The following ZNF800 variants were observed in gnomAD, a reference collection of about 807,000 sequenced individuals.
ZNF800 encodes the protein zinc finger protein 800.
ZNF800 carries 13 observed loss-of-function variants against 59.5 expected under a neutral mutation model. The ratio of observed to expected loss-of-function variants is 0.22; its 90% CI spans 0.14 to 0.35. ZNF800 has a LOEUF of 0.35. Ranked by LOEUF, ZNF800 falls within the 10% of genes least tolerant of loss-of-function variation. ZNF800 has a pLI of 1.00. For synonymous variants in ZNF800, 266 were observed against 265.7 expected (o/e 1.00, Z -0.01); for missense variants, 621 against 783.7 (o/e 0.79, Z 2.48).
At chr7:127,387,376 C>A (rs965766625) in intron 2 of ZNF800, among the ~76,000 whole-genome samples, 1 of 152,208 alleles carries the variant, frequency 6.6e-6, no homozygotes, top group African/African-American at 2.4e-5. Flanking sequence ...GTGTGCTACT[C>A]TTGCTTCAGG....
intron 3 of ZNF800, among the ~76,000 whole-genome samples, chr7:127,378,282 A>G (rs1328008857): frequency 6.6e-6 from 1 of 152,162 alleles, no homozygotes; most frequent in Non-Finnish European, 1.5e-5. Flanking sequence ...TTAAAAATAA[A>G]AACAGCCACC....
At chr7:127,380,692 A>G (rs1800951827) in intron 3 of ZNF800, among the ~76,000 whole-genome samples, 1 of 152,234 alleles carries the variant, frequency 6.6e-6, no homozygotes, top group South Asian at 2.1e-4. Flanking sequence ...ATGGTCATCC[A>G]GACAGCAACA....
At chr7:127,353,846 CAA>C (rs3993579) in intron 1 of ZNF800, among the ~76,000 whole-genome samples, 116,869 of 150,122 alleles carry the variant, frequency 0.78, 45,554 homozygotes, top group East Asian at 0.94. Context: ...ATAAGCTGGC[CAA>C]AAAAAAAAAC....
chr7:127,357,499 T>C (rs1402212477), intron 1 of ZNF800, among the ~76,000 whole-genome samples: 1 of 152,066 alleles, frequency 6.6e-6, no homozygotes, highest in African/African-American at 2.4e-5. Context: ...TTCTCCTAGT[T>C]TCCTTGACTA....
intron 4 of ZNF800, among the ~76,000 whole-genome samples, chr7:127,376,101 G>A (rs10249166): frequency 6.6e-6 from 1 of 151,338 alleles, no homozygotes; most frequent in Non-Finnish European, 1.5e-5. Flanking sequence ...TGAATCTCTA[G>A]ACTGCTTTTT....
At chr7:127,379,833 G>GCCACCCC (rs1800904358) in intron 3 of ZNF800, among the ~76,000 whole-genome samples, 2 of 12,716 alleles carry the variant, frequency 1.6e-4, no homozygotes, top group African/African-American at 3.3e-4. Flanking sequence ...CCTTACCCTT[G>GCCACCCC]CCACCCCCCC....
In ZNF800 at chr7:127,382,337, C is replaced by T. The variant is rs571399601; in HGVS notation, c.157+3723G>A. Among the ~76,000 whole-genome samples, 21 of 152,230 alleles carry T rather than the reference C, an allele frequency of 1.4e-4. 1 individual carries two copies. In the South Asian group the frequency reaches 4.4e-3, roughly 32 times the overall value. On this transcript the variant is annotated intron_variant, in intron 3 of 5. Transcript: ENST00000265827. ...GAAAGAATATTGAACTCAACTAAAC[C>T]AATTTAATAAACACATAAAAGATAT...
rs1800717179 is a variant in ZNF800 at position 127,374,180 on chromosome 7, G to A, written c.1156C>T (p.Leu386Phe). Residue 386 changes from leucine (L) to phenylalanine (F), a missense_variant, in exon 5 of 6, where the codon CTT (leucine) becomes TTT (phenylalanine). Coordinates refer to ENST00000265827, the MANE Select transcript of ZNF800 (RefSeq NM_176814.5). ...RHMQIVHKIT[L>F]SGTNSKREKG... ...TCTCTTTTAGAGTTTGTTCCAGAAA[G>A]AGTTATCTTGTGGACAATTTGCATA... is the stretch of plus-strand genomic sequence containing the variant. 1 of 1,613,992 alleles carries A rather than the reference G, an allele frequency of 6.2e-7. No homozygotes were observed. Among genetic ancestry groups the A allele is most frequent in the Non-Finnish European group, 8.5e-7 (1 of 1,179,984 alleles).
intron 1 of ZNF800, chr7:127,349,725 C>A (rs1348367567): frequency 6.6e-6 from 1 of 152,148 alleles, no homozygotes; most frequent in African/African-American, 2.4e-5. Context: ...TTGTGTTAAC[C>A]ACCTGCTCCT....
chr7:127,364,451 T>C (rs911123207), intron 1 of ZNF800: 16 of 152,072 alleles, frequency 1.1e-4, no homozygotes, highest in African/African-American at 3.4e-4. Context: ...CAGTCTGATA[T>C]AGAAGGAAAA....
intron 3 of ZNF800, among the ~76,000 whole-genome samples, chr7:127,385,205 C>A (rs1419412): frequency 0.93 from 142,044 of 152,106 alleles, 66,390 homozygotes; most frequent in East Asian, 1. Context: ...ATTTTTCATT[C>A]AGTTAGTTAA....
At chr7:127,384,596 C>T (rs1445236551) in intron 3 of ZNF800, among the ~76,000 whole-genome samples, 1 of 149,124 alleles carries the variant, frequency 6.7e-6, no homozygotes, top group Non-Finnish European at 1.5e-5. Context: ...TTCATTAATT[C>T]CAAATTAAGA....
rs1476006645 is a variant in ZNF800 at position 127,371,255 on chromosome 7, A to C, written c.*559T>G. On this transcript the variant is annotated 3_prime_UTR_variant, in exon 6 of 6. Transcript: ENST00000265827. ...ACACTGAAGTGCTGGAGAACAAGCT[A>C]GAAATAAATGGATGTAAAAATAATT... 2 of 152,660 alleles carry C rather than the reference A, an allele frequency of 1.3e-5. No individual in the cohort carries two copies. The highest frequency in any genetic ancestry group is 3.8e-4 in the East Asian group (2 of 5,204). 9.5% of individuals were successfully genotyped at this position (152,660 alleles called of 1,614,324 possible). A position where few individuals can be genotyped will look rare whatever the true frequency, so the allele number is the denominator to read the frequency against.
Position 127,371,648 on chromosome 7 carries a change from G to A in ZNF800, c.*166C>T. Reference sequence around the variant, plus strand: ...GCAGTGCCTTAGAAACAAGTGGTTAGATGGTTATTTTAGTCAGAAAACAGC... The same window carrying A: ...GCAGTGCCTTAGAAACAAGTGGTTAAATGGTTATTTTAGTCAGAAAACAGC... On this transcript the variant is annotated 3_prime_UTR_variant, in exon 6 of 6. Transcript: ENST00000265827. 1 of 515,456 alleles carries A rather than the reference G, an allele frequency of 1.9e-6. No homozygotes were observed. The highest frequency in any genetic ancestry group is 2.9e-5 in the South Asian group (1 of 34,084). The allele number at this position is 515,456 out of a possible 1,614,324, so 31.9% of individuals were successfully genotyped here.
intron 2 of ZNF800, among the ~76,000 whole-genome samples, chr7:127,388,272 C>CA (rs1054954246): frequency 1.3e-5 from 2 of 152,062 alleles, no homozygotes; most frequent in African/African-American, 4.8e-5. Context: ...CACCAAAAAC[C>CA]AAAAAATCTT....
At chr7:127,378,310 G>A (rs557111822) in intron 3 of ZNF800, among the ~76,000 whole-genome samples, 4 of 152,154 alleles carry the variant, frequency 2.6e-5, no homozygotes, top group Non-Finnish European at 4.4e-5. Context: ...AAATACAAAC[G>A]GAAGGTCTTT....
chr7:127,348,144 A>T (rs1256377922), intron 1 of ZNF800: 1 of 152,172 alleles, frequency 6.6e-6, no homozygotes, highest in East Asian at 1.9e-4. Context: ...GCCCCGCAAG[A>T]GCTGCAGACC....
intron 1 of ZNF800, among the ~76,000 whole-genome samples, chr7:127,357,612 T>G (rs1023811660): frequency 5.3e-5 from 8 of 152,060 alleles, no homozygotes; most frequent in Non-Finnish European, 1.0e-4. Flanking sequence ...CAAATAAATC[T>G]TATTTGGTCC....
intron 2 of ZNF800, among the ~76,000 whole-genome samples, chr7:127,389,126 C>T (rs907082118): frequency 6.6e-6 from 1 of 151,868 alleles, no homozygotes; most frequent in African/African-American, 2.4e-5. Context: ...CTATTTATGA[C>T]GTATGGGACT....
Sources: gnomAD v4.1 joint callset for allele counts (sites outside exome capture counted in the v4.1 genomes callset) on GRCh38, gnomAD v4.1.1 for gene constraint, MANE v1.5 for transcripts, NCBI Gene and HGNC (gene_info 2026-07-23, HGNC 2026-07-21) for gene names.